Variants in SLC25A13 observed in about 807,000 individuals in gnomAD.
SLC25A13 encodes the protein electrogenic aspartate/glutamate antiporter SLC25A13, mitochondrial.
A neutral mutation model predicts 85.5 loss-of-function variants in SLC25A13; 70 were observed. That is an observed-to-expected ratio of 0.82 (90% CI 0.68 to 1.00). The LOEUF is 1.00. Among genes scored for constraint, SLC25A13 ranks in the 50% least tolerant of loss-of-function variants. SLC25A13 has a pLI of 0.00. For synonymous variants in SLC25A13, 259 were observed against 288.7 expected, an observed-to-expected ratio of 0.90 and a Z score of 1.04; for missense variants, 765 against 819.8, an observed-to-expected ratio of 0.93 and a Z score of 0.82.
intron 1 of SLC25A13, among the ~76,000 whole-genome samples, chr7:96,307,651 A>G (rs919297247): frequency 3.3e-5 from 5 of 152,140 alleles, no homozygotes; most frequent in African/African-American, 1.2e-4. Flanking sequence ...TAAATTGATG[A>G]TTACTACTGG....
rs901528072 is a variant in SLC25A13, at chr7:96,235,433, G to A, written c.213-516C>T. Among the ~76,000 whole-genome samples the A allele has an allele frequency of 2.0e-5, 3 of 152,126 alleles. No individual in the cohort carries two copies. In the East Asian group the frequency reaches 5.8e-4, roughly 29 times the overall value. On this transcript the variant is annotated intron_variant, in intron 3 of 17. Coordinates refer to ENST00000265631, the MANE Select transcript of SLC25A13 (RefSeq NM_014251.3). Reference sequence around the variant, plus strand: ...ATGATACATGAAACATGACCCCAAGGGACTTCTAGTCTAGTGAGGCAGACA... The same window carrying A: ...ATGATACATGAAACATGACCCCAAGAGACTTCTAGTCTAGTGAGGCAGACA...
At chr7:96,303,526 T>G (rs1228630465) in intron 1 of SLC25A13, among the ~76,000 whole-genome samples, 1 of 152,176 alleles carries the variant, frequency 6.6e-6, no homozygotes, top group Non-Finnish European at 1.5e-5. Context: ...GGGCCCACCC[T>G]CCTTCTTTAT....
intron 3 of SLC25A13, among the ~76,000 whole-genome samples, chr7:96,250,138 G>T (rs995781279): frequency 1.3e-5 from 2 of 152,102 alleles, no homozygotes; most frequent in Non-Finnish European, 2.9e-5. Flanking sequence ...AGTGAGCTGA[G>T]ATCACACCAC....
Position 96,166,919 on chromosome 7 carries a change from T to C in SLC25A13, c.1311+3126A>G, listed in dbSNP as rs148793301. On this transcript the variant is annotated intron_variant, in intron 13 of 17. Transcript: ENST00000265631. ...AACAGAAGGTATACATATATATATA[T>C]ACCTCATGCAGGGAAGACTGAAGGT... The C allele has an allele frequency of 1.4e-4, 21 of 152,182 alleles. 1 individual carries two copies. The East Asian group carries it at 3.9e-3, about 28-fold the overall frequency. The allele number at this position is 152,182 out of a possible 1,614,324, so 9.4% of individuals were successfully genotyped here. A position where few individuals can be genotyped will look rare whatever the true frequency, so the allele number is the denominator to read the frequency against.
At chr7:96,288,529 G>C (rs994998801) in intron 2 of SLC25A13, among the ~76,000 whole-genome samples, 5 of 152,212 alleles carry the variant, frequency 3.3e-5, no homozygotes, top group African/African-American at 1.2e-4. Flanking sequence ...GCCAAGGGAA[G>C]GGGTAACAGA....
At chr7:96,173,446 T>A (rs1794090440) in intron 11 of SLC25A13, among the ~76,000 whole-genome samples, 1 of 152,236 alleles carries the variant, frequency 6.6e-6, no homozygotes, top group South Asian at 2.1e-4. Context: ...TGTATCTTTA[T>A]ATACAACTCA....
rs77821741 is a variant in SLC25A13, at chr7:96,303,646, T to A, written c.16-6695A>T. On this transcript the variant is annotated intron_variant, in intron 1 of 17. Coordinates refer to ENST00000265631, the MANE Select transcript of SLC25A13 (RefSeq NM_014251.3). ...ATGAAATTGAGTGAGATTTGGCAAA[T>A]GTTTGGGAGTTGGGGGGCACCTTCT... 9.4e-3 allele frequency among the ~76,000 whole-genome samples: 1,434 copies of A among 152,270 alleles called. 23 individuals carry two copies. The highest frequency in any genetic ancestry group is 0.033 in the African/African-American group (1,377 of 41,544).
intron 4 of SLC25A13, among the ~76,000 whole-genome samples, chr7:96,219,458 AG>A (rs1796020375): frequency 6.6e-6 from 1 of 152,212 alleles, no homozygotes; most frequent in Non-Finnish European, 1.5e-5. Flanking sequence ...TGTGGCATTC[AG>A]GAAAGAACCC....
chr7:96,192,633 T>C (rs1413814671), intron 6 of SLC25A13, among the ~76,000 whole-genome samples: 1 of 151,818 alleles, frequency 6.6e-6, no homozygotes, highest in Non-Finnish European at 1.5e-5. Flanking sequence ...AATCTAAGGT[T>C]TGGAGTTTCT....
chr7:96,228,999 G>A (rs79190364), intron 4 of SLC25A13, among the ~76,000 whole-genome samples: 9 of 152,122 alleles, frequency 5.9e-5, no homozygotes, highest in African/African-American at 9.6e-5. Flanking sequence ...CCCCAACCCC[G>A]TGGGCTCCCA....
At position 96,199,530 on chromosome 7, in the gene SLC25A13, C is replaced by G. The variant is rs1795178481; in HGVS notation, c.469-6347G>C. ...AAATGCTGCTGCCGAAGACAGTTAC[C>G]AACTGAAGACAAATGGCCCTTCCTA... On this transcript the variant is annotated intron_variant, in intron 5 of 17. Coordinates refer to ENST00000265631, the MANE Select transcript of SLC25A13 (RefSeq NM_014251.3). Among the ~76,000 whole-genome samples the G allele has an allele frequency of 2.0e-5, 3 of 152,120 alleles. No individual in the cohort carries two copies. In the South Asian group the frequency reaches 6.2e-4, roughly 31 times the overall value.
chr7:96,156,593 A>G (rs1210562133), intron 13 of SLC25A13, among the ~76,000 whole-genome samples: 1 of 152,188 alleles, frequency 6.6e-6, no homozygotes, highest in Non-Finnish European at 1.5e-5. Context: ...CTGGGAATAC[A>G]GGCACCCGTC....
At chr7:96,146,348 T>C (rs2116480360) in intron 14 of SLC25A13, among the ~76,000 whole-genome samples, 1 of 152,058 alleles carries the variant, frequency 6.6e-6, no homozygotes, top group South Asian at 2.1e-4. Flanking sequence ...TCATCCTAGA[T>C]TTGTGTATTG....
At chr7:96,302,228 G>C (rs999916185) in intron 1 of SLC25A13, among the ~76,000 whole-genome samples, 3 of 152,102 alleles carry the variant, frequency 2.0e-5, no homozygotes, top group East Asian at 3.9e-4. Context: ...AAAAAGGCAG[G>C]GGGTAGGGGA....
intron 11 of SLC25A13, among the ~76,000 whole-genome samples, chr7:96,178,046 GGTGCCCATGTAGCA>G (rs1794291446): frequency 6.6e-6 from 1 of 152,154 alleles, no homozygotes; most frequent in Non-Finnish European, 1.5e-5. Context: ...ACAAAGGGAT[GGTGCCCATGTAGCA>G]GGCATCCACA....
At chr7:96,121,413 TTTTG>T (rs1163960544) in intron 17 of SLC25A13, 36 bp from the exon 18 acceptor site, 5 of 1,609,788 alleles carry the variant, frequency 3.1e-6, no homozygotes, top group Admixed American at 1.7e-5. Flanking sequence ...AAGCTGTATT[TTTTG>T]TTTGTTTTAA....
At chr7:96,156,001 T>C (rs562172094) in intron 13 of SLC25A13, among the ~76,000 whole-genome samples, 4 of 152,218 alleles carry the variant, frequency 2.6e-5, no homozygotes, top group Non-Finnish European at 5.9e-5. Context: ...AATACAACAA[T>C]TCATTTTCAG....
At chr7:96,150,512 T>A (rs6961700) in intron 13 of SLC25A13, among the ~76,000 whole-genome samples, 2,228 of 152,264 alleles carry the variant, frequency 0.015, 56 homozygotes, top group African/African-American at 0.051. Context: ...AAAGTCATAG[T>A]TGAAGTCCTA....
chr7:96,213,592 G>C (rs1201061615), intron 4 of SLC25A13, among the ~76,000 whole-genome samples: 1 of 152,138 alleles, frequency 6.6e-6, no homozygotes, highest in Middle Eastern at 3.2e-3. Context: ...CTAACTTGCA[G>C]TCCTGGAGAG....
Sources: gnomAD v4.1 joint callset for allele counts (sites outside exome capture counted in the v4.1 genomes callset) on GRCh38, gnomAD v4.1.1 for gene constraint, MANE v1.5 for transcripts, NCBI Gene and HGNC (gene_info 2026-07-23, HGNC 2026-07-21) for gene names.